Variants in CARD10 observed in about 807,000 individuals in gnomAD.
CARD10 encodes the protein caspase recruitment domain-containing protein 10.
In CARD10, 49 loss-of-function variants were observed where a neutral mutation model predicts 114.6. That is an observed-to-expected ratio of 0.43 (90% confidence interval 0.34 to 0.54). The LOEUF is 0.54. Among genes scored for constraint, CARD10 ranks in the 20% least tolerant of loss-of-function variants. The pLI, the probability that CARD10 is intolerant of heterozygous loss-of-function variation, is 0.03. For synonymous variants in CARD10, 602 were observed against 593.2 expected, an observed-to-expected ratio of 1.01 and a Z score of -0.21; for missense variants, 1,206 against 1,397.2, an observed-to-expected ratio of 0.86 and a Z score of 2.18.
intron 3 of CARD10, among the ~76,000 whole-genome samples, chr22:37,515,055 G>A (rs911006768): frequency 7.2e-5 from 11 of 152,212 alleles, no homozygotes; most frequent in Non-Finnish European, 8.8e-5. Context: ...AGGCTGTGCC[G>A]CTTCCTGGCT....
intron 3 of CARD10, among the ~76,000 whole-genome samples, chr22:37,512,736 C>G (rs778492337): frequency 1.3e-5 from 2 of 152,172 alleles, no homozygotes; most frequent in Non-Finnish European, 2.9e-5. Context: ...TGCCTGACCC[C>G]TGGCCAGCCG....
intron 4 of CARD10, chr22:37,508,965 AAAC>A: frequency 6.5e-7 from 1 of 1,543,454 alleles, no homozygotes; most frequent in East Asian, 2.4e-5. Context: ...GATTATTCCT[AAAC>A]AAGCACCAGG....
intron 16 of CARD10, 87 bp downstream of exon 16, chr22:37,493,998 AG>A: frequency 1.0e-6 from 1 of 1,003,430 alleles, no homozygotes; most frequent in Non-Finnish European, 1.5e-6. Flanking sequence ...CAGGCCAAAG[AG>A]GCCACCCAAG....
Position 37,492,550 on chromosome 22 carries a change from T to C in CARD10, c.2636A>G (p.Glu879Gly), listed in dbSNP as rs912668277. 1.2e-6 allele frequency: 2 copies of C among 1,601,092 alleles called. No individual in the cohort carries two copies. Among genetic ancestry groups the C allele is most frequent in the Non-Finnish European group, 1.7e-6 (2 of 1,172,376 alleles). Reference sequence around the variant, plus strand: ...GCACAGTTCCTCCCCAGAGAGGCTTTCTGCACAGGGAGTGGAGAGGGAGAG... The same window carrying C: ...GCACAGTTCCTCCCCAGAGAGGCTTCCTGCACAGGGAGTGGAGAGGGAGAG... ...SRLDFQVCPAESLSGEELCPS... is the reference protein window; with the variant it reads ...SRLDFQVCPAGSLSGEELCPS... Residue 879 changes from glutamate to glycine, a missense_variant and splice_region_variant, in exon 18 of 20, where the codon GAA (glutamate) becomes GGA (glycine). Transcript: ENST00000251973. This position sits in a 1 kb window ranked among gnomAD's most constrained non-coding sequence, Gnocchi z 5.7.
intron 6 of CARD10, 110 bp from the exon 7 acceptor site, chr22:37,506,493 C>T (rs1997674): frequency 0.24 from 175,252 of 736,094 alleles, 21,468 homozygotes; most frequent in Middle Eastern, 0.33. Context: ...CTATCACTTA[C>T]TGAGCACTGT....
intron 11 of CARD10, among the ~76,000 whole-genome samples, chr22:37,498,892 G>C (rs1263689615): frequency 7.6e-6 from 1 of 131,572 alleles, no homozygotes; most frequent in Non-Finnish European, 1.6e-5. Context: ...TGCCCTCTGT[G>C]GGTGCTGGGG....
intron 11 of CARD10, among the ~76,000 whole-genome samples, chr22:37,497,602 G>T (rs1189395316): frequency 6.6e-6 from 1 of 152,108 alleles, no homozygotes; most frequent in South Asian, 2.1e-4. Flanking sequence ...GGTGGCTCAC[G>T]CCTGTAATCC....
chr22:37,506,430 C>T (rs772399099), intron 6 of CARD10, 47 bp from the exon 7 acceptor site: 1 of 1,450,346 alleles, frequency 6.9e-7, no homozygotes, highest in Non-Finnish European at 9.3e-7. Context: ...CCACCTTGGC[C>T]CAGCTTTCCT....
Position 37,492,425 on chromosome 22 carries a change from C to A in CARD10, c.2751+10G>T. On this transcript the variant is annotated intron_variant, in intron 18 of 19. Transcript: ENST00000251973. The surrounding 1 kb of genome is among the most constrained non-coding windows in gnomAD (Gnocchi z 5.7). ...TCTGTGAGCACCCCAGGCCAGCCCC[C>A]AGCACCCACCTTCCCAACAGACTCC... The A allele has an allele frequency of 6.5e-7, 1 of 1,541,364 alleles. No individual in the cohort carries two copies. The highest frequency in any genetic ancestry group is 1.2e-5 in the South Asian group (1 of 81,362).
At position 37,501,038 on chromosome 22, in the gene CARD10, C is replaced by T. The variant is rs909897713; in HGVS notation, c.1787+1564G>A. Among the ~76,000 whole-genome samples, 2 of 152,156 alleles carry T rather than the reference C, an allele frequency of 1.3e-5. No homozygotes were observed. Among genetic ancestry groups the T allele is most frequent in the African/African-American group, 2.4e-5 (1 of 41,414 alleles). On this transcript the variant is annotated intron_variant, in intron 11 of 19. Coordinates refer to ENST00000251973, the MANE Select transcript of CARD10 (RefSeq NM_014550.4). This position sits in a 1 kb window ranked among gnomAD's most constrained non-coding sequence, Gnocchi z 5.4. Reference sequence around the variant, plus strand: ...ACACCAAAGCCAGCTCTTCCCACCTCGCCATAACACAATCCCAGGAGACAC... The same window carrying T: ...ACACCAAAGCCAGCTCTTCCCACCTTGCCATAACACAATCCCAGGAGACAC...
chr22:37,515,722 C>T (rs1189370998), intron 3 of CARD10, among the ~76,000 whole-genome samples: 1 of 152,204 alleles, frequency 6.6e-6, no homozygotes. Flanking sequence ...ACACCAGATG[C>T]CAATAAATCC....
chr22:37,508,815 G>T, intron 4 of CARD10, 133 bp from the exon 5 acceptor site: 1 of 1,232,052 alleles, frequency 8.1e-7, no homozygotes. Context: ...CCGGGGCCTC[G>T]ACCCTCTCTG....
At chr22:37,507,117 A>G (rs951348406) in intron 6 of CARD10, among the ~76,000 whole-genome samples, 2 of 152,238 alleles carry the variant, frequency 1.3e-5, no homozygotes, top group Non-Finnish European at 2.9e-5. Context: ...TGTCTCTACT[A>G]AAGATACAAA....
Position 37,496,461 on chromosome 22 carries a change from T to C in CARD10, c.2047A>G (p.Met683Val), listed in dbSNP as rs760692759. The change falls in exon 13 of 20, where the codon ATG (methionine) becomes GTG (valine). Residue 683 changes from methionine to valine, a missense_variant. Coordinates refer to ENST00000251973, the MANE Select transcript of CARD10 (RefSeq NM_014550.4). The surrounding 1 kb of genome is among the most constrained non-coding windows in gnomAD (Gnocchi z 4.1). ...WNQGSTLPSL[M>V]DSKACQSFHE... The stretch of plus-strand genomic sequence containing the variant: ...AAGCCAGACTTACCCTTCGAGTCCA[T>C]CAGGGAGGGGAGTGTGGACCCCTGA... 61 of 1,611,566 alleles carry C rather than the reference T, an allele frequency of 3.8e-5. No individual in the cohort carries two copies. The highest frequency in any genetic ancestry group is 5.0e-5 in the Non-Finnish European group (59 of 1,178,134).
In CARD10 at chr22:37,508,807, G is replaced by A. The variant is rs182092322; in HGVS notation, c.910-125C>T. The A allele has an allele frequency of 1.0e-3, 1,264 of 1,256,618 alleles. 6 individuals carry two copies. In the African/African-American group the frequency reaches 0.014, roughly 14 times the overall value. The allele number at this position is 1,256,618 out of a possible 1,614,324, so 77.8% of individuals were successfully genotyped here. On this transcript the variant is annotated intron_variant, in intron 4 of 19. Coordinates refer to ENST00000251973, the MANE Select transcript of CARD10 (RefSeq NM_014550.4). ...CTGACCAGCTCTGCCATGCTGGCCC[G>A]GGGCCTCGACCCTCTCTGGATCTCT... is the stretch of plus-strand genomic sequence containing the variant.
Position 37,495,754 on chromosome 22 carries a change from C to T in CARD10, c.2303+6G>A, listed in dbSNP as rs768198063. On this transcript the variant is annotated splice_donor_region_variant and intron_variant, in intron 14 of 19. Coordinates refer to ENST00000251973, the MANE Select transcript of CARD10 (RefSeq NM_014550.4). ...ACCCCATCCCCAGCTCCTGGCTCTGCGTCACCTCTGATAATTGGGCACGGT... is the reference window on the plus strand; with the variant it reads ...ACCCCATCCCCAGCTCCTGGCTCTGTGTCACCTCTGATAATTGGGCACGGT... The T allele has an allele frequency of 5.0e-6, 8 of 1,613,622 alleles. No individual in the cohort carries two copies. In the Admixed American group the frequency reaches 5.0e-5, roughly 10 times the overall value.
At chr22:37,494,853 C>T (rs923574503) in intron 15 of CARD10, among the ~76,000 whole-genome samples, 2 of 152,368 alleles carry the variant, frequency 1.3e-5, no homozygotes, top group East Asian at 1.9e-4. Context: ...CCTCGCTCTT[C>T]CTTTATCTGA....
chr22:37,504,806 G>A, intron 7 of CARD10, 37 bp from the exon 8 acceptor site: 1 of 1,357,570 alleles, frequency 7.4e-7, no homozygotes, highest in Non-Finnish European at 9.8e-7. Flanking sequence ...GGTGAGCAGT[G>A]CTAGGCCCAC....
chr22:37,511,038 C>A (rs1035619347), intron 3 of CARD10, among the ~76,000 whole-genome samples: 5 of 146,774 alleles, frequency 3.4e-5, no homozygotes, highest in Non-Finnish European at 7.4e-5. Flanking sequence ...GCCAAGATTG[C>A]GCCGCTACAC....
Sources: allele counts gnomAD v4.1 joint callset (sites outside exome capture counted in the v4.1 genomes callset), GRCh38; gene constraint gnomAD v4.1.1; non-coding constraint Gnocchi (gnomAD v3.1); transcripts MANE v1.5; gene names NCBI Gene and HGNC (gene_info 2026-07-23, HGNC 2026-07-21).